The following CSNK1G2 variants were observed in gnomAD, a reference collection of about 807,000 sequenced individuals.
CSNK1G2 encodes casein kinase 1 gamma 2, also known as casein kinase I isoform gamma-2.
CSNK1G2 carries 11 observed loss-of-function variants against 48.0 expected under a neutral mutation model. That is an observed-to-expected ratio of 0.23 (90% CI 0.14 to 0.38). CSNK1G2 has a LOEUF of 0.38. Among genes scored for constraint, CSNK1G2 ranks in the 10% least tolerant of loss-of-function variants. CSNK1G2 has a pLI of 1.00. For missense variants in CSNK1G2, 446 were observed against 595.5 expected (o/e 0.75, Z 2.61); for synonymous variants, 337 against 254.1 (o/e 1.33, Z -3.10).
intron 1 of CSNK1G2, among the ~76,000 whole-genome samples, chr19:1,944,115 C>T (rs1283605495): frequency 6.6e-6 from 1 of 152,130 alleles, no homozygotes; most frequent in African/African-American, 2.4e-5. Context: ...CTCAGGTCAG[C>T]CTCAAGTCCT....
In CSNK1G2 at chr19:1,978,193, G is replaced by C. The variant is rs2145595220; in HGVS notation, c.188-112G>C. ...CTGCTGCTGGGCAGTGGTGTCATTT[G>C]GAGGGTGGTCCTTCAGGGACCCCCT... On this transcript the variant is annotated intron_variant, in intron 2 of 11. Transcript: ENST00000255641. The surrounding 1 kb of genome is among the most constrained non-coding windows in gnomAD (Gnocchi z 7.3). 2 of 1,060,242 alleles carry C rather than the reference G, an allele frequency of 1.9e-6. No individual in the cohort carries two copies. Among genetic ancestry groups the C allele is most frequent in the East Asian group, 4.7e-5 (2 of 42,264 alleles). The allele number at this position is 1,060,242 out of a possible 1,614,324, so 65.7% of individuals were successfully genotyped here. A position where few individuals can be genotyped will look rare whatever the true frequency, so the allele number is the denominator to read the frequency against.
chr19:1,970,279 T>C (rs888677010), intron 2 of CSNK1G2, among the ~76,000 whole-genome samples: 4 of 152,226 alleles, frequency 2.6e-5, no homozygotes, highest in South Asian at 2.1e-4. Context: ...TCATGGCCCA[T>C]GTGCACGCTG....
At chr19:1,980,057 C>T (rs762776207) in intron 11 of CSNK1G2, 40 bp downstream of exon 11, 29 of 1,587,406 alleles carry the variant, frequency 1.8e-5, no homozygotes, top group African/African-American at 8.1e-5. Flanking sequence ...GGTGGGGGTG[C>T]CCTGGGTCCC....
intron 1 of CSNK1G2, among the ~76,000 whole-genome samples, chr19:1,948,493 A>G (rs1011096917): frequency 4.0e-5 from 5 of 125,410 alleles, no homozygotes; most frequent in African/African-American, 1.2e-4. Flanking sequence ...ATTGCACTCC[A>G]TGTGGGCGAC....
In CSNK1G2 at chr19:1,944,333, C is replaced by T. The variant is rs957938623; in HGVS notation, c.-266+2915C>T. Among the ~76,000 whole-genome samples, 17 of 152,200 alleles carry T rather than the reference C, an allele frequency of 1.1e-4. No homozygotes were observed. In the East Asian group the frequency reaches 1.9e-3, roughly 17 times the overall value. ...GGAGGCTCCCTAGGTCGGGAGGCTC[C>T]GCGTCTGCTTCTTCCTCATTCTGGA... On this transcript the variant is annotated intron_variant, in intron 1 of 11. Coordinates refer to ENST00000255641, the MANE Select transcript of CSNK1G2 (RefSeq NM_001319.7).
At chr19:1,967,501 A>G (rs2015400784) in intron 1 of CSNK1G2, among the ~76,000 whole-genome samples, 1 of 136,256 alleles carries the variant, frequency 7.3e-6, no homozygotes, top group South Asian at 2.5e-4. Context: ...AGGACCCGGC[A>G]GGATCTGTGC....
chr19:1,980,101 C>A lies in CSNK1G2; in HGVS notation c.1194-48C>A, dbSNP rs1371188466. On this transcript the variant is annotated intron_variant, in intron 11 of 11. Transcript: ENST00000255641. ...TGGGAGGGCCTGAGGCCTGGGCTGC[C>A]CCCGCCCTGCACCCCGGTCCTCCTA... The A allele has an allele frequency of 2.5e-6, 4 of 1,609,890 alleles. No individual in the cohort carries two copies. In the South Asian group the frequency reaches 3.3e-5, roughly 13 times the overall value.
chr19:1,956,779 G>T (rs2015014893), intron 1 of CSNK1G2, among the ~76,000 whole-genome samples: 1 of 152,196 alleles, frequency 6.6e-6, no homozygotes, highest in African/African-American at 2.4e-5. Context: ...CATCCGTGGG[G>T]GCTGTGAGAC....
intron 1 of CSNK1G2, among the ~76,000 whole-genome samples, chr19:1,968,396 C>G (rs1046465686): frequency 2.6e-5 from 4 of 152,168 alleles, no homozygotes; most frequent in African/African-American, 4.8e-5. Flanking sequence ...CCCGAGGCTC[C>G]TTGCTGGGGA....
intron 1 of CSNK1G2, among the ~76,000 whole-genome samples, chr19:1,943,056 G>C (rs916141839): frequency 6.6e-6 from 1 of 152,210 alleles, no homozygotes; most frequent in African/African-American, 2.4e-5. Context: ...GCATGCAGGG[G>C]AGCCGGGTCT....
chr19:1,967,242 C>A (rs1006442069), intron 1 of CSNK1G2, among the ~76,000 whole-genome samples: 1 of 152,126 alleles, frequency 6.6e-6, no homozygotes, highest in African/African-American at 2.4e-5. Context: ...CTTGTGACGC[C>A]GGTGCCTTCG....
chr19:1,979,017 G>A lies in CSNK1G2; in HGVS notation c.606G>A (p.Lys202=). ...AKEYIDPETK[K]HIPYREHKSL... is the part of the protein sequence containing the mutation. ...AGTACATCGACCCCGAGACCAAGAA[G>A]CACATCCCGTACCGCGAGCACAAGA... The change falls in exon 6 of 12, where the codon AAG becomes AAA. Residue 202 remains lysine (K), a synonymous_variant. Transcript: ENST00000255641. 1.3e-6 allele frequency: 2 copies of A among 1,598,440 alleles called. No individual in the cohort carries two copies. The highest frequency in any genetic ancestry group is 1.1e-5 in the South Asian group (1 of 91,070).
chr19:1,978,025 C>T lies in CSNK1G2; in HGVS notation c.188-280C>T, dbSNP rs903417085. On this transcript the variant is annotated intron_variant, in intron 2 of 11. Coordinates refer to ENST00000255641, the MANE Select transcript of CSNK1G2 (RefSeq NM_001319.7). This position sits in a 1 kb window ranked among gnomAD's most constrained non-coding sequence, Gnocchi z 7.3. ...AGGCCGTGAGAGACCTCCCCAGTGC[C>T]GCTTCTGTCCTGGGCTAGGGAGGTG... is the stretch of plus-strand genomic sequence containing the variant. Among the ~76,000 whole-genome samples the T allele has an allele frequency of 8.9e-5, 13 of 145,852 alleles. No homozygotes were observed. The highest frequency in any genetic ancestry group is 3.5e-3 in the Middle Eastern group (1 of 288).
chr19:1,954,410 C>T (rs2014906179), intron 1 of CSNK1G2: 1 of 182,412 alleles, frequency 5.5e-6, no homozygotes, highest in African/African-American at 2.3e-5. Flanking sequence ...CCTGCGGCCC[C>T]AGGTCAGAGG....
chr19:1,959,879 C>T (rs2015139943), intron 1 of CSNK1G2, among the ~76,000 whole-genome samples: 1 of 151,554 alleles, frequency 6.6e-6, no homozygotes, highest in Admixed American at 6.6e-5. Flanking sequence ...GTGGGTCCCC[C>T]AGCACCCGCC....
chr19:1,975,677 T>C, intron 2 of CSNK1G2: 1 of 985,446 alleles, frequency 1.0e-6, no homozygotes. Context: ...AACCTGCAGC[T>C]GATTCAGGGG....
At chr19:1,969,056 A>G (rs775364082) in intron 1 of CSNK1G2, among the ~76,000 whole-genome samples, 20 of 152,208 alleles carry the variant, frequency 1.3e-4, no homozygotes, top group Non-Finnish European at 2.6e-4. Context: ...GCCTGCTGTC[A>G]TCTGCCTCCC....
Position 1,959,623 on chromosome 19 carries a change from G to C in CSNK1G2, c.-265-9885G>C, listed in dbSNP as rs189209624. Reference sequence around the variant, plus strand: ...CCACCCTGAGTCCCCCAGCACCCGTGCCACCTTTAGTGCCACCGTGGGTCC... The same window carrying C: ...CCACCCTGAGTCCCCCAGCACCCGTCCCACCTTTAGTGCCACCGTGGGTCC... On this transcript the variant is annotated intron_variant, in intron 1 of 11. Coordinates refer to ENST00000255641, the MANE Select transcript of CSNK1G2 (RefSeq NM_001319.7). Among the ~76,000 whole-genome samples, 87 of 33,092 alleles carry C rather than the reference G, an allele frequency of 2.6e-3. 2 individuals carry two copies. The highest frequency in any genetic ancestry group is 9.8e-3 in the African/African-American group (26 of 2,662). The allele number at this position is 33,092 out of a possible 152,430, so 21.7% of individuals were successfully genotyped here. A position where few individuals can be genotyped will look rare whatever the true frequency, so the allele number is the denominator to read the frequency against.
At chr19:1,946,378 G>A (rs1466667934) in intron 1 of CSNK1G2, among the ~76,000 whole-genome samples, 1 of 150,666 alleles carries the variant, frequency 6.6e-6, no homozygotes, top group Non-Finnish European at 1.5e-5. Flanking sequence ...TGCAAGCTCC[G>A]CCTCTTGGGT....
Sources: gnomAD v4.1 joint callset for allele counts (sites outside exome capture counted in the v4.1 genomes callset) on GRCh38, gnomAD v4.1.1 for gene constraint, Gnocchi (gnomAD v3.1) non-coding constraint, MANE v1.5 for transcripts, NCBI Gene and HGNC (gene_info 2026-07-23, HGNC 2026-07-21) for gene names.